The following TRAP1 variants were observed in gnomAD, a reference collection of about 807,000 sequenced individuals.
The protein encoded by TRAP1 is TNF receptor associated protein 1.
A neutral mutation model predicts 89.1 loss-of-function variants in TRAP1; 102 were observed. The observed-to-expected ratio is 1.15, with a 90% CI of 0.98 to 1.35. The LOEUF (loss-of-function observed/expected upper bound fraction) is 1.35, where lower values mean the gene tolerates loss of function less well. Among genes scored for constraint, TRAP1 ranks in the 40% most tolerant of loss-of-function variants. The probability of loss-of-function intolerance (pLI) is 0.00; values close to 1 mark genes in which losing one functional copy is unlikely to be tolerated. For missense variants in TRAP1, 1,256 were observed against 945.3 expected, an observed-to-expected ratio of 1.33 and a Z score of -4.31; for synonymous variants, 508 against 388.0, an observed-to-expected ratio of 1.31 and a Z score of -3.64.
chr16:3,672,855 TG>T, intron 9 of TRAP1, 35 bp from the exon 10 acceptor site: 1 of 1,594,584 alleles, frequency 6.3e-7, no homozygotes, highest in Non-Finnish European at 8.5e-7. Context: ...CATGCAGCAC[TG>T]ACCCTCCCCA....
At chr16:3,714,812 C>T (rs762579503) in intron 1 of TRAP1, among the ~76,000 whole-genome samples, 1 of 152,148 alleles carries the variant, frequency 6.6e-6, no homozygotes, top group East Asian at 1.9e-4. Flanking sequence ...ACACGCACAC[C>T]TGAAGCCAGG....
intron 1 of TRAP1, among the ~76,000 whole-genome samples, chr16:3,696,240 C>A (rs6500550): frequency 6.6e-6 from 1 of 151,876 alleles, no homozygotes; most frequent in Non-Finnish European, 1.5e-5. Context: ...GAGATCCCTG[C>A]GGAGCACACA....
chr16:3,674,689 T>G (rs1219590109), intron 8 of TRAP1, 195 bp from the exon 9 acceptor site: 4 of 649,078 alleles, frequency 6.2e-6, no homozygotes, highest in Non-Finnish European at 7.8e-6. Flanking sequence ...CACACAAGGC[T>G]CTGGGGCAGG....
intron 15 of TRAP1, 132 bp downstream of exon 15, chr16:3,662,750 C>A (rs758414005): frequency 1.6e-5 from 13 of 831,748 alleles, no homozygotes; most frequent in Non-Finnish European, 2.6e-5. Context: ...CCCACAGGGT[C>A]TCCACCTGAC....
At chr16:3,706,558 C>T (rs1407965078) in intron 1 of TRAP1, among the ~76,000 whole-genome samples, 1 of 149,064 alleles carries the variant, frequency 6.7e-6, no homozygotes, top group African/African-American at 2.5e-5. Flanking sequence ...CTCCTGGGCT[C>T]GAGCAATTCT....
chr16:3,681,924 G>C (rs1391054943), intron 4 of TRAP1, among the ~76,000 whole-genome samples: 2 of 152,174 alleles, frequency 1.3e-5, no homozygotes, highest in Non-Finnish European at 2.9e-5. Flanking sequence ...GAAGAACGAA[G>C]TTGGAGAATT....
intron 1 of TRAP1, among the ~76,000 whole-genome samples, chr16:3,712,043 C>A (rs1205557956): frequency 6.6e-6 from 1 of 152,144 alleles, no homozygotes; most frequent in East Asian, 1.9e-4. Flanking sequence ...GTAATCCCAG[C>A]ACTTTGGGAG....
rs58369950 is a variant in TRAP1 at position 3,674,451 on chromosome 16, T to C, written c.932A>G (p.His311Arg). The C allele has an allele frequency of 6.8e-6, 11 of 1,614,058 alleles. No homozygotes were observed. The highest frequency in any genetic ancestry group is 6.7e-5 in the African/African-American group (5 of 75,054). Residue 311 changes from histidine to arginine, a missense_variant, in exon 9 of 18, where the codon CAT becomes CGT. By Grantham distance (29) the His-to-Arg change is conservative (BLOSUM62 0). Coordinates refer to ENST00000246957, the MANE Select transcript of TRAP1 (RefSeq NM_016292.3). ...MDPKDVREWQ[H>R]EEFYRYVAQA... ...CGCGACGTAGCGGTAGAACTCCTCA[T>C]GTTGCCACTCACGGACATCCTTGGG...
intron 1 of TRAP1, among the ~76,000 whole-genome samples, chr16:3,709,504 G>A (rs2051497852): frequency 6.6e-6 from 1 of 152,194 alleles, no homozygotes; most frequent in South Asian, 2.1e-4. Flanking sequence ...TGTCCGCCAT[G>A]AGAGGGTTAC....
Position 3,658,542 on chromosome 16 carries a change from G to A in TRAP1, c.2013+251C>T, listed in dbSNP as rs527532971. The A allele has an allele frequency of 3.2e-4, 185 of 571,824 alleles. 1 individual carries two copies. In the Admixed American group the frequency reaches 4.9e-3, roughly 15 times the overall value. 35.4% of individuals were successfully genotyped at this position (571,824 alleles called of 1,614,324 possible). On this transcript the variant is annotated intron_variant, in intron 17 of 17. Transcript: ENST00000246957. ...TACTAAAATACAAAATTAGCCAGGCGCATGCCTGTAGTCCCAGCTACTCGG... is the reference window on the plus strand; with the variant it reads ...TACTAAAATACAAAATTAGCCAGGCACATGCCTGTAGTCCCAGCTACTCGG...
intron 1 of TRAP1, among the ~76,000 whole-genome samples, chr16:3,706,456 C>CT (rs34658116): frequency 0.26 from 25,651 of 98,966 alleles, 4,115 homozygotes; most frequent in East Asian, 0.34. Flanking sequence ...TATTTGCACT[C>CT]TTTTTTTTTT....
intron 4 of TRAP1, among the ~76,000 whole-genome samples, chr16:3,683,953 G>A (rs2051105821): frequency 6.6e-6 from 1 of 152,032 alleles, no homozygotes; most frequent in Admixed American, 6.6e-5. Context: ...ATCACTTGAG[G>A]TCAGGAGTTT....
Position 3,665,991 on chromosome 16 carries a change from C to A in TRAP1, c.1363G>T (p.Ala455Ser). The A allele has an allele frequency of 1.2e-6, 2 of 1,613,550 alleles. No homozygotes were observed. Among genetic ancestry groups the A allele is most frequent in the Non-Finnish European group, 1.7e-6 (2 of 1,179,798 alleles). ...GLFMREGIVTATEQEVKEDIA... is the reference protein window; with the variant it reads ...GLFMREGIVTSTEQEVKEDIA... ...TATACCTTGACCTCCTGCTCGGTGG[C>A]GGTCACAATGCCCTCCCGCATGAAC... Residue 455 changes from alanine to serine, a missense_variant, in exon 12 of 18, where the codon GCC becomes TCC. Physicochemically the swap from Ala to Ser is moderately conservative, Grantham distance 99 (BLOSUM62 1). Coordinates refer to ENST00000246957, the MANE Select transcript of TRAP1 (RefSeq NM_016292.3).
intron 1 of TRAP1, among the ~76,000 whole-genome samples, chr16:3,691,673 A>C (rs1184701231): frequency 6.6e-6 from 1 of 152,218 alleles, no homozygotes; most frequent in East Asian, 1.9e-4. Context: ...AGCAAAAAAA[A>C]AATCCTCCCA....
chr16:3,676,035 C>T lies in TRAP1; in HGVS notation c.814+1G>A, dbSNP rs763294359. 2.5e-6 allele frequency: 4 copies of T among 1,612,192 alleles called. No homozygotes were observed. The highest frequency in any genetic ancestry group is 1.7e-6 in the Non-Finnish European group (2 of 1,179,160). On this transcript the variant is annotated splice_donor_variant, in intron 7 of 17. Coordinates refer to ENST00000246957, the MANE Select transcript of TRAP1 (RefSeq NM_016292.3). LOFTEE classifies it high-confidence loss of function. Reference sequence around the variant, plus strand: ...GAGCCTGGGCCCGGGCTCCCGCTCACCTCGCACCCGGGCCTCGCTGGAAAA... The same window carrying T: ...GAGCCTGGGCCCGGGCTCCCGCTCATCTCGCACCCGGGCCTCGCTGGAAAA...
In TRAP1 at chr16:3,675,383, A is replaced by G. The variant is rs1292804621; in HGVS notation, c.829T>C (p.Tyr277His). Reference sequence around the variant, plus strand: ...AAGGGGAAGCTGACGAAGTTGCTGTACTTCGTTACCACATCTGGAAGGGAC... The same window carrying G: ...AAGGGGAAGCTGACGAAGTTGCTGTGCTTCGTTACCACATCTGGAAGGGAC... ...EARVRDVVTKYSNFVSFPLYL... is the reference protein window; with the variant it reads ...EARVRDVVTKHSNFVSFPLYL... Residue 277 changes from tyrosine (Y) to histidine (H), a missense_variant, in exon 8 of 18, where the codon TAC becomes CAC. Physicochemically the swap from Tyr to His is moderately conservative, Grantham distance 83 (BLOSUM62 2). Coordinates refer to ENST00000246957, the MANE Select transcript of TRAP1 (RefSeq NM_016292.3). 1 of 1,613,964 alleles carries G rather than the reference A, an allele frequency of 6.2e-7. No individual in the cohort carries two copies. Among genetic ancestry groups the G allele is most frequent in the Non-Finnish European group, 8.5e-7 (1 of 1,179,974 alleles).
intron 1 of TRAP1, among the ~76,000 whole-genome samples, chr16:3,709,227 CAAAAAAAAAAA>C (rs58859365): frequency 3.6e-5 from 3 of 82,398 alleles, no homozygotes; most frequent in Non-Finnish European, 8.3e-5. Flanking sequence ...AACTCCATCT[CAAAAAAAAAAA>C]AAAAAAAAAG....
At chr16:3,680,217 A>G (rs2151260890) in intron 4 of TRAP1, 1 of 158,006 alleles carries the variant, frequency 6.3e-6, no homozygotes, top group East Asian at 1.8e-4. Context: ...CCTGGGTGAC[A>G]GAGTGAGACT....
At position 3,671,920 on chromosome 16, in the gene TRAP1, G is replaced by C. The variant is rs996776532; in HGVS notation, c.1166-129C>G. Reference sequence around the variant, plus strand: ...GCACGTGTGCTAAGAGGGAAGCAGGGAGGCGGCACTGCCGGAGCTTCCTCT... The same window carrying C: ...GCACGTGTGCTAAGAGGGAAGCAGGCAGGCGGCACTGCCGGAGCTTCCTCT... On this transcript the variant is annotated intron_variant, in intron 10 of 17. Coordinates refer to ENST00000246957, the MANE Select transcript of TRAP1 (RefSeq NM_016292.3). The C allele has an allele frequency of 8.3e-6, 8 of 967,794 alleles. No homozygotes were observed. In the African/African-American group the frequency reaches 1.3e-4, roughly 16 times the overall value. 60.0% of individuals were successfully genotyped at this position (967,794 alleles called of 1,614,324 possible). A position where few individuals can be genotyped will look rare whatever the true frequency, so the allele number is the denominator to read the frequency against.
Sources: allele counts gnomAD v4.1 joint callset (sites outside exome capture counted in the v4.1 genomes callset), GRCh38; gene constraint gnomAD v4.1.1; transcripts MANE v1.5; gene names NCBI Gene and HGNC (gene_info 2026-07-23, HGNC 2026-07-21).